Variants in VRK2 observed in about 807,000 individuals in gnomAD.
VRK2 encodes the protein serine/threonine-protein kinase VRK2.
Under a neutral mutation model 57.6 loss-of-function variants are expected in VRK2, and 60 were observed. The ratio of observed to expected loss-of-function variants is 1.04; its 90% CI spans 0.85 to 1.29. The LOEUF is 1.29. Ranked by LOEUF, VRK2 falls within the 50% of genes most tolerant of loss-of-function variation. The probability of loss-of-function intolerance (pLI) is 0.00; values close to 1 mark genes in which losing one functional copy is unlikely to be tolerated. For missense variants in VRK2, 705 were observed against 588.1 expected, an observed-to-expected ratio of 1.20 and a Z score of -2.06; for synonymous variants, 231 against 199.2, an observed-to-expected ratio of 1.16 and a Z score of -1.35.
chr2:58,155,322 G>C (rs576077424), intron 12 of VRK2, among the ~76,000 whole-genome samples: 1 of 152,334 alleles, frequency 6.6e-6, no homozygotes, highest in South Asian at 2.1e-4. Context: ...TGAGGCCAGA[G>C]TGGAGGGTTG....
intron 11 of VRK2, among the ~76,000 whole-genome samples, chr2:58,142,671 C>T (rs1444352340): frequency 1.3e-5 from 2 of 151,746 alleles, no homozygotes; most frequent in Non-Finnish European, 2.9e-5. Context: ...AACAATATTT[C>T]AATAAGAATG....
chr2:58,154,008 TTGAG>T (rs1329578439), intron 12 of VRK2, among the ~76,000 whole-genome samples: 1 of 152,124 alleles, frequency 6.6e-6, no homozygotes, highest in Non-Finnish European at 1.5e-5. Flanking sequence ...TTATTTCATC[TTGAG>T]TTAGTTTTGG....
intron 2 of VRK2, among the ~76,000 whole-genome samples, chr2:58,070,206 A>AT (rs1669189403): frequency 1.3e-5 from 2 of 151,950 alleles, no homozygotes. Flanking sequence ...GTGTTGTATA[A>AT]TTTTTTTGTT....
intron 1 of VRK2, among the ~76,000 whole-genome samples, chr2:57,926,511 A>G (rs889340540): frequency 5.3e-5 from 8 of 150,066 alleles, no homozygotes; most frequent in African/African-American, 1.2e-4. Context: ...TAGTGTGTGT[A>G]TATATATAGT....
chr2:57,913,217 C>T (rs1181332753), intron 1 of VRK2, among the ~76,000 whole-genome samples: 1 of 152,102 alleles, frequency 6.6e-6, no homozygotes, highest in Non-Finnish European at 1.5e-5. Flanking sequence ...TCAATCTTGG[C>T]CCTACCAATT....
chr2:58,013,202 C>T (rs1295763202), intron 1 of VRK2, among the ~76,000 whole-genome samples: 1 of 151,990 alleles, frequency 6.6e-6, no homozygotes, highest in Non-Finnish European at 1.5e-5. Context: ...ATAGGTATAG[C>T]GTAAAAAGAT....
chr2:57,950,351 C>T (rs898926546), intron 1 of VRK2, among the ~76,000 whole-genome samples: 1 of 152,184 alleles, frequency 6.6e-6, no homozygotes, highest in South Asian at 2.1e-4. Flanking sequence ...TATGTCAGAG[C>T]CAATGCTCAC....
At chr2:57,957,753 T>C (rs574527570) in intron 1 of VRK2, among the ~76,000 whole-genome samples, 1 of 151,852 alleles carries the variant, frequency 6.6e-6, no homozygotes, top group Admixed American at 6.6e-5. Flanking sequence ...TCATTTTTTT[T>C]CCAGTTCCAA....
rs1684710215 is a variant in VRK2 at position 58,159,434 on chromosome 2, C to T, written c.1268C>T (p.Thr423Ile). 3 of 1,613,520 alleles carry T rather than the reference C, an allele frequency of 1.9e-6. No homozygotes were observed. The highest frequency in any genetic ancestry group is 1.1e-5 in the South Asian group (1 of 91,048). ...VNSFPQKISY[T>I]QFPNSFYEPH... is the part of the protein sequence containing the mutation. Reference sequence around the variant, plus strand: ...AGTTTCCCACAAAAAATCAGCTATACACAATTCCCAAACTCATTTTATGAG... The same window carrying T: ...AGTTTCCCACAAAAAATCAGCTATATACAATTCCCAAACTCATTTTATGAG... Residue 423 changes from threonine to isoleucine, a missense_variant, in exon 13 of 13, where the codon ACA (threonine) becomes ATA (isoleucine). Transcript: ENST00000340157.
chr2:57,923,066 G>A (rs989370857), intron 1 of VRK2, among the ~76,000 whole-genome samples: 3 of 151,824 alleles, frequency 2.0e-5, no homozygotes, highest in South Asian at 2.1e-4. Flanking sequence ...TTTCTTTTAC[G>A]GCTGAATAGT....
intron 1 of VRK2, among the ~76,000 whole-genome samples, chr2:57,998,165 T>G (rs941148999): frequency 6.6e-6 from 1 of 152,200 alleles, no homozygotes; most frequent in Non-Finnish European, 1.5e-5. Flanking sequence ...ACTGTTGCTT[T>G]TTATTAAAAG....
chr2:57,931,222 T>C (rs946248078), intron 1 of VRK2, among the ~76,000 whole-genome samples: 5 of 152,138 alleles, frequency 3.3e-5, no homozygotes, highest in Admixed American at 1.3e-4. Context: ...TTATTGTTTT[T>C]CATAATGGCT....
intron 2 of VRK2, among the ~76,000 whole-genome samples, chr2:58,062,412 CT>C (rs2103905366): frequency 1.3e-5 from 2 of 152,188 alleles, no homozygotes; most frequent in South Asian, 4.1e-4. Context: ...AGTTATGCAT[CT>C]CTCACTTTAA....
At chr2:58,107,695 A>T (rs143456805) in intron 7 of VRK2, among the ~76,000 whole-genome samples, 1 of 152,178 alleles carries the variant, frequency 6.6e-6, no homozygotes, top group African/African-American at 2.4e-5. Context: ...GTATGCATCT[A>T]TTCTCTCATG....
intron 1 of VRK2, among the ~76,000 whole-genome samples, chr2:58,003,505 G>A (rs768547112): frequency 6.6e-5 from 10 of 152,002 alleles, no homozygotes; most frequent in Non-Finnish European, 1.0e-4. Context: ...CAGGGTTAGC[G>A]TATAAAAATA....
At chr2:57,989,226 C>T (rs1183441513) in intron 1 of VRK2, among the ~76,000 whole-genome samples, 1 of 152,140 alleles carries the variant, frequency 6.6e-6, no homozygotes, top group Non-Finnish European at 1.5e-5. Flanking sequence ...CAAAGCTTTC[C>T]ATTTATTGGA....
At chr2:58,015,868 G>C (rs1044338327) in intron 1 of VRK2, among the ~76,000 whole-genome samples, 1 of 152,022 alleles carries the variant, frequency 6.6e-6, no homozygotes, top group Non-Finnish European at 1.5e-5. Context: ...TGAAGTTCTT[G>C]ATCTCTGTCT....
chr2:57,984,502 G>A (rs993809296), intron 1 of VRK2, among the ~76,000 whole-genome samples: 1 of 152,080 alleles, frequency 6.6e-6, no homozygotes, highest in East Asian at 1.9e-4. Flanking sequence ...AGTGCTAAAA[G>A]GCATTGTATT....
rs190175437 is a variant in VRK2, at chr2:57,950,010, G to T, written c.-439+42171G>T. 2.0e-3 allele frequency among the ~76,000 whole-genome samples: 297 copies of T among 152,282 alleles called. 1 individual carries two copies. Among genetic ancestry groups the T allele is most frequent in the Admixed American group, 0.018 (272 of 15,292 alleles). On this transcript the variant is annotated intron_variant, in intron 1 of 15. Coordinates refer to the VRK2 transcript ENST00000417641. ...CTCTCTTCAATTCTGTGAATGTTGA[G>T]AGAGGTGAAGAAGCTGTAGAAGAAA...
Sources: allele counts gnomAD v4.1 joint callset (sites outside exome capture counted in the v4.1 genomes callset), GRCh38; gene constraint gnomAD v4.1.1; transcripts MANE v1.5; gene names NCBI Gene and HGNC (gene_info 2026-07-23, HGNC 2026-07-21).